Variants in DLGAP2 observed in about 807,000 individuals in gnomAD.
DLGAP2 encodes DLG associated protein 2.
A neutral mutation model predicts 100.3 loss-of-function variants in DLGAP2; 26 were observed. That is an observed-to-expected ratio of 0.26 (90% CI 0.19 to 0.36). The LOEUF (loss-of-function observed/expected upper bound fraction) is 0.36. DLGAP2 is among the 10% of genes least tolerant of loss of function. DLGAP2 has a pLI of 1.00. For synonymous variants in DLGAP2, 886 were observed against 630.1 expected, an observed-to-expected ratio of 1.41 and a Z score of -6.08; for missense variants, 1,858 against 1,453.2, an observed-to-expected ratio of 1.28 and a Z score of -4.53.
chr8:989,400 G>A (rs1800588175), intron 2 of DLGAP2, among the ~76,000 whole-genome samples: 1 of 152,150 alleles, frequency 6.6e-6, no homozygotes, highest in Admixed American at 6.5e-5. Flanking sequence ...AACCTTGCTT[G>A]CACCTGAATC....
intron 12 of DLGAP2, among the ~76,000 whole-genome samples, chr8:1,685,657 G>T (rs1799095676): frequency 2.0e-5 from 3 of 151,816 alleles, no homozygotes; most frequent in Non-Finnish European, 2.9e-5. Flanking sequence ...ACAACTCACA[G>T]AATGGGAGAA....
At position 1,475,336 on chromosome 8, in the gene DLGAP2, C is replaced by CG. The variant is rs1798901804; in HGVS notation, c.107-26025dup. On this transcript the variant is annotated intron_variant, in intron 3 of 14. Coordinates refer to ENST00000637795, the MANE Select transcript of DLGAP2 (RefSeq NM_001346810.2). Reference sequence around the variant, plus strand: ...TAAACGTTAAAAAAGAAAAAAAAGCCGGGGGAGCAGGTTTTAGCTGTAACT... The same window carrying CG: ...TAAACGTTAAAAAAGAAAAAAAAGCCGGGGGGAGCAGGTTTTAGCTGTAACT... Among the ~76,000 whole-genome samples the CG allele has an allele frequency of 2.0e-5, 3 of 152,020 alleles. No individual in the cohort carries two copies. In the South Asian group the frequency reaches 6.2e-4, roughly 32 times the overall value.
rs2130517192 is a variant in DLGAP2, at chr8:1,549,195, G to A, written c.742G>A (p.Gly248Ser). 1 of 1,600,768 alleles carries A rather than the reference G, an allele frequency of 6.2e-7. No homozygotes were observed. The highest frequency in any genetic ancestry group is 8.5e-7 in the Non-Finnish European group (1 of 1,174,514). ...KLFTKSHSLEGSSKSNANGTK... is the reference protein window; with the variant it reads ...KLFTKSHSLESSSKSNANGTK... ...CTTCACCAAGTCGCACTCGCTGGAG[G>A]GCTCCTCCAAAAGCAACGCCAACGG... Residue 248 changes from glycine to serine, a missense_variant, in exon 5 of 15, where the codon GGC (glycine) becomes AGC (serine). Physicochemically the swap from Gly to Ser is moderately conservative, Grantham distance 56. Transcript: ENST00000637795.
chr8:1,181,912 G>T (rs1000533103), intron 2 of DLGAP2, among the ~76,000 whole-genome samples: 1 of 152,166 alleles, frequency 6.6e-6, no homozygotes, highest in African/African-American at 2.4e-5. Context: ...CATTTCTCCT[G>T]TTCCTTGTCT....
chr8:1,289,676 A>G (rs1446581594), intron 3 of DLGAP2, among the ~76,000 whole-genome samples: 1 of 152,080 alleles, frequency 6.6e-6, no homozygotes, highest in Non-Finnish European at 1.5e-5. Flanking sequence ...TGAAGCCTCC[A>G]CTGTGCAGTG....
At chr8:1,468,594 A>T (rs769463070) in intron 3 of DLGAP2, among the ~76,000 whole-genome samples, 2 of 152,204 alleles carry the variant, frequency 1.3e-5, no homozygotes, top group Non-Finnish European at 2.9e-5. Context: ...GGACCCCGGC[A>T]TCCCTCCACC....
At chr8:795,462 C>A (rs891594839) in intron 1 of DLGAP2, among the ~76,000 whole-genome samples, 1 of 152,140 alleles carries the variant, frequency 6.6e-6, no homozygotes, top group East Asian at 1.9e-4. Flanking sequence ...GTGAAATCAC[C>A]CACAAAAAGC....
At chr8:1,238,524 CGCCGTGTCTGGTTCTCTCACATGGT>C (rs1798715225) in intron 2 of DLGAP2, among the ~76,000 whole-genome samples, 11 of 107,972 alleles carry the variant, frequency 1.0e-4, no homozygotes, top group African/African-American at 1.7e-4. Context: ...TCTCACATGG[CGCCGTGTCTGGTTCTCTCACATGGT>C]GCCGTGTCTA....
chr8:1,084,157 T>C (rs1803898436), intron 2 of DLGAP2, among the ~76,000 whole-genome samples: 1 of 152,244 alleles, frequency 6.6e-6, no homozygotes. Flanking sequence ...AAGTCTTTTA[T>C]AGTGAAGTTA....
At chr8:1,688,867 C>G (rs1179838898) in intron 12 of DLGAP2, among the ~76,000 whole-genome samples, 1 of 152,202 alleles carries the variant, frequency 6.6e-6, no homozygotes, top group African/African-American at 2.4e-5. Context: ...TAAGCCCTTT[C>G]AAATCAAGGT....
chr8:1,288,759 A>G (rs1158799743), intron 3 of DLGAP2, among the ~76,000 whole-genome samples: 1 of 139,410 alleles, frequency 7.2e-6, no homozygotes. Context: ...TAGGAGGGGA[A>G]CTAGTTTCGG....
intron 1 of DLGAP2, among the ~76,000 whole-genome samples, chr8:792,397 A>G (rs895858646): frequency 1.3e-5 from 2 of 152,206 alleles, no homozygotes; most frequent in African/African-American, 4.8e-5. Flanking sequence ...GTCTTATTTC[A>G]CATTTTAGGA....
intron 2 of DLGAP2, among the ~76,000 whole-genome samples, chr8:1,219,469 C>T (rs745327114): frequency 2.8e-4 from 43 of 152,218 alleles, no homozygotes; most frequent in Non-Finnish European, 5.1e-4. Flanking sequence ...ATATTGCCTG[C>T]CTGACCGTGG....
At chr8:1,600,536 C>T (rs1215656533) in intron 6 of DLGAP2, among the ~76,000 whole-genome samples, 2 of 152,238 alleles carry the variant, frequency 1.3e-5, no homozygotes, top group Admixed American at 6.5e-5. Flanking sequence ...GGTCTTTTCA[C>T]ATTGTCCCAT....
chr8:1,155,318 C>T (rs1265783081), intron 2 of DLGAP2, among the ~76,000 whole-genome samples: 1 of 152,150 alleles, frequency 6.6e-6, no homozygotes, highest in Non-Finnish European at 1.5e-5. Flanking sequence ...TTCTTGGCCT[C>T]TCTGGAAAGT....
At chr8:1,567,581 G>A (rs1802453420) in intron 6 of DLGAP2, among the ~76,000 whole-genome samples, 1 of 152,152 alleles carries the variant, frequency 6.6e-6, no homozygotes, top group Non-Finnish European at 1.5e-5. Context: ...CACCATCACT[G>A]CCACGGGTCC....
At chr8:1,436,768 G>C (rs11782718) in intron 3 of DLGAP2, among the ~76,000 whole-genome samples, 35,515 of 151,768 alleles carry the variant, frequency 0.23, 4,980 homozygotes, top group East Asian at 0.57. Flanking sequence ...CACTCACCCG[G>C]TCACCCAGAG....
chr8:1,355,669 G>T (rs374650218), intron 3 of DLGAP2, among the ~76,000 whole-genome samples: 1 of 152,102 alleles, frequency 6.6e-6, no homozygotes, highest in Admixed American at 6.6e-5. Flanking sequence ...GGCCAAGTAC[G>T]AGTATTTTTT....
Position 1,457,294 on chromosome 8 carries a change from G to T in DLGAP2, c.107-44072G>T, listed in dbSNP as rs79595669. ...TAATTCATCGACGTGTTCGATGGCTGGCAACCACAGAAATGGTTGCAGAGA... is the reference window on the plus strand; with the variant it reads ...TAATTCATCGACGTGTTCGATGGCTTGCAACCACAGAAATGGTTGCAGAGA... On this transcript the variant is annotated intron_variant, in intron 3 of 14. Coordinates refer to ENST00000637795, the MANE Select transcript of DLGAP2 (RefSeq NM_001346810.2). Among the ~76,000 whole-genome samples the T allele has an allele frequency of 6.3e-4, 96 of 152,250 alleles. 2 individuals are homozygous for T. Among genetic ancestry groups the T allele is most frequent in the African/African-American group, 2.2e-3 (90 of 41,546 alleles).
Sources: allele counts gnomAD v4.1 joint callset (sites outside exome capture counted in the v4.1 genomes callset), GRCh38; gene constraint gnomAD v4.1.1; transcripts MANE v1.5; gene names NCBI Gene and HGNC (gene_info 2026-07-23, HGNC 2026-07-21).